Variants in MRPS30 observed in about 807,000 individuals in gnomAD.
MRPS30 encodes large ribosomal subunit protein mL65.
A neutral mutation model predicts 43.8 loss-of-function variants in MRPS30; 42 were observed. The ratio of observed to expected loss-of-function variants is 0.96; its 90% CI spans 0.75 to 1.24. The LOEUF is 1.24. Ranked by LOEUF, MRPS30 falls within the 50% of genes most tolerant of loss-of-function variation. MRPS30 has a pLI of 0.00. For synonymous variants in MRPS30, 273 were observed against 228.2 expected (o/e 1.20, Z -1.77); for missense variants, 638 against 570.0 (o/e 1.12, Z -1.22).
intron 4 of MRPS30, among the ~76,000 whole-genome samples, chr5:44,814,251 T>C (rs1028417465): frequency 1.3e-5 from 2 of 152,228 alleles, no homozygotes; most frequent in African/African-American, 4.8e-5. Flanking sequence ...ATTAACACTA[T>C]GTGAATATCC....
Position 44,809,477 on chromosome 5 carries a change from T to C in MRPS30, c.515T>C (p.Ile172Thr), listed in dbSNP as rs1742789334. The C allele has an allele frequency of 6.2e-7, 1 of 1,613,882 alleles. No homozygotes were observed. The highest frequency in any genetic ancestry group is 8.5e-7 in the Non-Finnish European group (1 of 1,180,010). The change falls in exon 1 of 5, where the codon ATA becomes ACA. Residue 172 changes from isoleucine (I) to threonine (T), a missense_variant. By Grantham distance (89) the Ile-to-Thr change is moderately conservative (BLOSUM62 -1). Transcript: ENST00000507110. ...CACCGTTACGAGGAGAGCGAGGTCA[T>C]ATCTTTGCCCTTCCTGGATCAGCTG... ...RVHRYEESEVISLPFLDQLVS... is the reference protein window; with the variant it reads ...RVHRYEESEVTSLPFLDQLVS...
rs796877010 is a variant in MRPS30 at position 44,809,037 on chromosome 5, C to G, written c.75C>G (p.Ala25=). 5.6e-6 allele frequency: 9 copies of G among 1,610,144 alleles called. 1 individual carries two copies. In the African/African-American group the frequency reaches 1.1e-4, roughly 19 times the overall value. ...CATTGCACACCGCGGCTAATGCCGCCGCCACGGCTACAGAAACGACCTGCC... is the reference window on the plus strand; with the variant it reads ...CATTGCACACCGCGGCTAATGCCGCGGCCACGGCTACAGAAACGACCTGCC... ...RLSLHTAANA[A]ATATETTCQD... Residue 25 remains alanine, a synonymous_variant, in exon 1 of 5, where the codon GCC becomes GCG. Transcript: ENST00000507110.
intron 2 of MRPS30, among the ~76,000 whole-genome samples, 196 bp from the exon 3 acceptor site, chr5:44,811,719 A>G (rs913713584): frequency 2.0e-5 from 3 of 152,162 alleles, no homozygotes; most frequent in Non-Finnish European, 2.9e-5. Context: ...ATAAATGAAT[A>G]TGTGTCGGCT....
intron 3 of MRPS30, 142 bp downstream of exon 3, chr5:44,812,162 A>G: frequency 2.2e-6 from 1 of 461,986 alleles, no homozygotes; most frequent in Non-Finnish European, 3.9e-6. Context: ...TCGTAATCTC[A>G]GGTTATTACA....
At chr5:44,813,787 T>C (rs1742878767) in intron 4 of MRPS30, among the ~76,000 whole-genome samples, 1 of 152,142 alleles carries the variant, frequency 6.6e-6, no homozygotes, top group South Asian at 2.1e-4. Flanking sequence ...AGAGCTTATA[T>C]TATAGTGGGG....
At chr5:44,809,889 A>AGT in intron 1 of MRPS30, 1 of 296,758 alleles carries the variant, frequency 3.4e-6, no homozygotes, top group Non-Finnish European at 6.2e-6. Flanking sequence ...CACTTAAGAG[A>AGT]GTGGGGCGGG....
intron 3 of MRPS30, 56 bp from the exon 4 acceptor site, chr5:44,813,050 G>A: frequency 6.5e-7 from 1 of 1,538,100 alleles, no homozygotes; most frequent in African/African-American, 1.4e-5. Flanking sequence ...TAAAACATGT[G>A]CTCCACATGT....
rs180681837 is a variant in MRPS30 at position 44,815,259 on chromosome 5, A to T, written c.*57A>T. On this transcript the variant is annotated 3_prime_UTR_variant, in exon 5 of 5. Transcript: ENST00000507110. ...ATTTAAATTTTACTGAAGGAACAAT[A>T]ATGATGAGATTTGTAACTGTCAACT... is the stretch of plus-strand genomic sequence containing the variant. The T allele has an allele frequency of 1.8e-5, 25 of 1,416,652 alleles. No homozygotes were observed. The Admixed American group carries it at 4.2e-4, about 24-fold the overall frequency. 87.8% of individuals were successfully genotyped at this position (1,416,652 alleles called of 1,614,324 possible).
Position 44,811,916 on chromosome 5 carries a change from T to C in MRPS30, c.749T>C (p.Phe250Ser). 1 of 1,524,384 alleles carries C rather than the reference T, an allele frequency of 6.6e-7. No individual in the cohort carries two copies. Among genetic ancestry groups the C allele is most frequent in the East Asian group, 2.4e-5 (1 of 42,046 alleles). The allele number at this position is 1,524,384 out of a possible 1,614,324, so 94.4% of individuals were successfully genotyped here. A position where few individuals can be genotyped will look rare whatever the true frequency, so the allele number is the denominator to read the frequency against. ...QIRISKQLAE[F>S]VPLDYSVPIE... ...GTATGTCTTTTCTTTTTCTTTAAGT[T>C]TGTGCCATTGGATTATTCTGTTCCT... Residue 250 changes from phenylalanine (F) to serine (S), a missense_variant and splice_region_variant, in exon 3 of 5, where the codon TTT (phenylalanine) becomes TCT (serine). Coordinates refer to ENST00000507110, the MANE Select transcript of MRPS30 (RefSeq NM_016640.4).
At position 44,809,582 on chromosome 5, in the gene MRPS30, C is replaced by T. The variant is rs1312423621; in HGVS notation, c.601+19C>T. 2 of 1,566,988 alleles carry T rather than the reference C, an allele frequency of 1.3e-6. No individual in the cohort carries two copies. On this transcript the variant is annotated intron_variant, in intron 1 of 4. Transcript: ENST00000507110. ...GCCCTCGGTGAGCCTTGGATTCCGCCCCAGGGCGGAAGGGAGAGATGGGGA... is the reference window on the plus strand; with the variant it reads ...GCCCTCGGTGAGCCTTGGATTCCGCTCCAGGGCGGAAGGGAGAGATGGGGA...
At chr5:44,814,834 C>A in intron 4 of MRPS30, 79 bp from the exon 5 acceptor site, 1 of 1,313,804 alleles carries the variant, frequency 7.6e-7, no homozygotes. Context: ...TATTTGATAC[C>A]CTCTAATGTC....
In MRPS30 at chr5:44,813,197, CTG is replaced by C. The variant is rs1441197675; in HGVS notation, c.948_949del (p.Ala317Ter). The C allele has an allele frequency of 1.2e-5, 20 of 1,613,420 alleles. No individual in the cohort carries two copies. The highest frequency in any genetic ancestry group is 2.2e-5 in the South Asian group (2 of 90,970). Reference sequence around the variant, plus strand: ...GAAGGGAAAGGCTTTTGAGACAAAACTGTGCTGATCAGATAGAAGTTGTTTTT... The same window carrying C: ...GAAGGGAAAGGCTTTTGAGACAAAACTGCTGATCAGATAGAAGTTGTTTTT... ...LRRERLLRQN[C>X]ADQIEVVFRA... On this transcript the variant is annotated frameshift_variant, in exon 4 of 5. Transcript: ENST00000507110. LOFTEE classifies it high-confidence loss of function.
At chr5:44,811,191 T>G (rs747083060) in intron 2 of MRPS30, 37 bp downstream of exon 2, 1 of 1,603,156 alleles carries the variant, frequency 6.2e-7, no homozygotes, top group Non-Finnish European at 8.5e-7. Context: ...TATTGATATC[T>G]CGTGTAGGAT....
chr5:44,809,099 C>T lies in MRPS30; in HGVS notation c.137C>T (p.Pro46Leu). Reference protein sequence around the residue: ...VAATPVARYPPIVASMTADSK... With the variant: ...VAATPVARYPLIVASMTADSK... ...GCGACCCCCGTCGCGCGGTACCCGC[C>T]GATTGTGGCCTCCATGACAGCCGAC... is the stretch of plus-strand genomic sequence containing the variant. The change falls in exon 1 of 5, where the codon CCG becomes CTG. Residue 46 changes from proline (P) to leucine (L), a missense_variant. Transcript: ENST00000507110. 2 of 1,611,480 alleles carry T rather than the reference C, an allele frequency of 1.2e-6. No individual in the cohort carries two copies. The highest frequency in any genetic ancestry group is 1.7e-6 in the Non-Finnish European group (2 of 1,179,444).
rs752644061 is a variant in MRPS30 at position 44,809,277 on chromosome 5, G to A, written c.315G>A (p.Trp105Ter). 5 of 1,613,338 alleles carry A rather than the reference G, an allele frequency of 3.1e-6. No individual in the cohort carries two copies. In the African/African-American group the frequency reaches 6.7e-5, roughly 22 times the overall value. Residue 105 changes from tryptophan to a stop codon, truncating the protein, a stop_gained, in exon 1 of 5, where the codon TGG (tryptophan) becomes TGA (stop). Transcript: ENST00000507110. LOFTEE classifies it high-confidence loss of function. ...CCTTCGCGCTGAATGCCGACCGCTG[G>A]TACCAGTACTTCACCAAGACCGTGT... Reference protein sequence around the residue: ...PQTFALNADRWYQYFTKTVFL... With the variant: ...PQTFALNADR
chr5:44,811,751 TG>T (rs1742842364), intron 2 of MRPS30, among the ~76,000 whole-genome samples, 163 bp from the exon 3 acceptor site: 1 of 152,220 alleles, frequency 6.6e-6, no homozygotes, highest in Non-Finnish European at 1.5e-5. Context: ...AAACTTTACT[TG>T]TAAAAACAGG....
At position 44,809,476 on chromosome 5, in the gene MRPS30, A is replaced by T; in HGVS notation, c.514A>T (p.Ile172Leu). Reference sequence around the variant, plus strand: ...GCACCGTTACGAGGAGAGCGAGGTCATATCTTTGCCCTTCCTGGATCAGCT... The same window carrying T: ...GCACCGTTACGAGGAGAGCGAGGTCTTATCTTTGCCCTTCCTGGATCAGCT... ...RVHRYEESEV[I>L]SLPFLDQLVS... Residue 172 changes from isoleucine to leucine, a missense_variant, in exon 1 of 5, where the codon ATA becomes TTA. Ile to Leu is a conservative substitution (Grantham distance 5). Transcript: ENST00000507110. 1.2e-6 allele frequency: 2 copies of T among 1,613,980 alleles called. No individual in the cohort carries two copies. The highest frequency in any genetic ancestry group is 8.5e-7 in the Non-Finnish European group (1 of 1,179,998).
At chr5:44,810,092 TAACTA>T (rs1742812434) in intron 1 of MRPS30, 1 of 152,894 alleles carries the variant, frequency 6.5e-6, no homozygotes, top group African/African-American at 2.4e-5. Flanking sequence ...AATGAAGTAT[TAACTA>T]AGATACCTAA....
intron 1 of MRPS30, among the ~76,000 whole-genome samples, chr5:44,810,244 G>A (rs898978421): frequency 1.1e-4 from 17 of 152,212 alleles, no homozygotes; most frequent in Non-Finnish European, 2.1e-4. Context: ...AACAAACTGA[G>A]GCATAGAAAC....
Sources: gnomAD v4.1 joint callset for allele counts (sites outside exome capture counted in the v4.1 genomes callset) on GRCh38, gnomAD v4.1.1 for gene constraint, MANE v1.5 for transcripts, NCBI Gene and HGNC (gene_info 2026-07-23, HGNC 2026-07-21) for gene names.